ANKAR: variants seen among roughly 807,000 people sequenced by gnomAD.
ANKAR encodes ankyrin and armadillo repeat containing, also known as ankyrin and armadillo repeat-containing protein.
A neutral mutation model predicts 146.2 loss-of-function variants in ANKAR; 136 were observed. The ratio of observed to expected loss-of-function variants is 0.93; its 90% CI spans 0.81 to 1.07. The LOEUF (loss-of-function observed/expected upper bound fraction) is 1.07, where lower values mean the gene tolerates loss of function less well. ANKAR is among the 50% of genes least tolerant of loss of function. The pLI is 0.00. For synonymous variants in ANKAR, 500 were observed against 575.8 expected, an observed-to-expected ratio of 0.87 and a Z score of 1.88; for missense variants, 1,567 against 1,679.9, an observed-to-expected ratio of 0.93 and a Z score of 1.18.
intron 7 of ANKAR, among the ~76,000 whole-genome samples, chr2:189,702,815 G>T (rs2038275702): frequency 6.6e-6 from 1 of 152,156 alleles, no homozygotes; most frequent in Non-Finnish European, 1.5e-5. Flanking sequence ...GAAAACAGTG[G>T]TTCACTGAGG....
chr2:189,681,171 A>G (rs1471068731), intron 2 of ANKAR, among the ~76,000 whole-genome samples: 1 of 152,248 alleles, frequency 6.6e-6, no homozygotes, highest in Non-Finnish European at 1.5e-5. Context: ...CTAGATGGAA[A>G]CTTTCAGTAT....
chr2:189,750,639 T>C (rs757479183), downstream of ANKAR: 34 of 1,586,360 alleles, frequency 2.1e-5, no homozygotes, highest in Non-Finnish European at 2.9e-5. Context: ...TTTTGATATG[T>C]CTACTCCAAG....
chr2:189,718,659 G>A (rs1176318694), intron 10 of ANKAR, among the ~76,000 whole-genome samples: 4 of 151,566 alleles, frequency 2.6e-5, no homozygotes, highest in African/African-American at 4.9e-5. Context: ...CTGTCATTTT[G>A]TGCATGTCCT....
At chr2:189,684,015 A>G (rs140684588) in intron 2 of ANKAR, among the ~76,000 whole-genome samples, 72 of 152,350 alleles carry the variant, frequency 4.7e-4, no homozygotes, top group African/African-American at 1.7e-3. Context: ...CAGTTTTCTC[A>G]GCAGGCATTT....
At chr2:189,682,242 T>C (rs2034812434) in intron 2 of ANKAR, among the ~76,000 whole-genome samples, 1 of 152,056 alleles carries the variant, frequency 6.6e-6, no homozygotes, top group Non-Finnish European at 1.5e-5. Context: ...TGTATTATGT[T>C]TGCACCTGTG....
intron 19 of ANKAR, among the ~76,000 whole-genome samples, chr2:189,739,738 A>T (rs1483003135): frequency 6.6e-6 from 1 of 151,828 alleles, no homozygotes; most frequent in Non-Finnish European, 1.5e-5. Flanking sequence ...TAGTTTTTGT[A>T]TTTTTAGTAG....
chr2:189,692,779 G>A, intron 4 of ANKAR: 1 of 257,756 alleles, frequency 3.9e-6, no homozygotes, highest in Non-Finnish European at 7.2e-6. Flanking sequence ...ATCAGGATTA[G>A]AACAGAGATC....
chr2:189,743,402 A>G lies in ANKAR; in HGVS notation c.3938A>G (p.Asp1313Gly), dbSNP rs1342510460. Residue 1313 changes from aspartate (D) to glycine (G), a missense_variant, in exon 21 of 23, where the codon GAT becomes GGT. By Grantham distance (94) the Asp-to-Gly change is moderately conservative (BLOSUM62 -1). Coordinates refer to ENST00000684021, the MANE Select transcript of ANKAR (RefSeq NM_001378068.1). Reference sequence around the variant, plus strand: ...CGTATAAAAAATAATATCAGCAGAGATGCAAGTATTAACCCAGCATTTTTA... The same window carrying G: ...CGTATAAAAAATAATATCAGCAGAGGTGCAAGTATTAACCCAGCATTTTTA... ...FIRIKNNISRDASINPAFLKE... is the reference protein window; with the variant it reads ...FIRIKNNISRGASINPAFLKE... 1 of 1,613,904 alleles carries G rather than the reference A, an allele frequency of 6.2e-7. No homozygotes were observed. Among genetic ancestry groups the G allele is most frequent in the Non-Finnish European group, 8.5e-7 (1 of 1,179,940 alleles).
chr2:189,754,264 G>A, intron 18 of ANKAR: 1 of 1,613,758 alleles, frequency 6.2e-7, no homozygotes, highest in East Asian at 2.2e-5. Flanking sequence ...CTATTTCCTT[G>A]TTTGGCCAAA....
chr2:189,706,914 A>T, intron 8 of ANKAR, 24 bp from the exon 9 acceptor site: 2 of 1,579,618 alleles, frequency 1.3e-6, no homozygotes, highest in Non-Finnish European at 1.7e-6. Flanking sequence ...TGCGTGTTTA[A>T]TTGTTATGTT....
chr2:189,760,429 C>T (rs1165270464), intron 18 of ANKAR, among the ~76,000 whole-genome samples: 1 of 152,166 alleles, frequency 6.6e-6, no homozygotes, highest in Admixed American at 6.5e-5. Flanking sequence ...GGGCGCCCCC[C>T]ACCTCCCAAG....
At chr2:189,719,953 C>T in intron 11 of ANKAR, 140 bp downstream of exon 11, 1 of 953,342 alleles carries the variant, frequency 1.0e-6, no homozygotes, top group Non-Finnish European at 1.5e-6. Context: ...GAGAGGGTGC[C>T]TGATGAAAAC....
At chr2:189,676,260 G>T (rs1032594816) in intron 1 of ANKAR, among the ~76,000 whole-genome samples, 196 bp from the exon 2 acceptor site, 10 of 152,100 alleles carry the variant, frequency 6.6e-5, no homozygotes, top group African/African-American at 2.2e-4. Flanking sequence ...AATGATAAAG[G>T]TTTTATAATT....
At chr2:189,689,428 AG>A (rs2036094732) in intron 2 of ANKAR, 98 bp from the exon 3 acceptor site, 2 of 1,013,198 alleles carry the variant, frequency 2.0e-6, no homozygotes, top group Admixed American at 5.0e-5. Flanking sequence ...TCGTGATAGT[AG>A]GATTTCATGA....
Position 189,753,060 on chromosome 2 carries a change from AG to A in ANKAR, c.*585-8037del, listed in dbSNP as rs2045530617. 6.2e-6 allele frequency: 8 copies of A among 1,289,820 alleles called. No homozygotes were observed. The East Asian group carries it at 2.0e-4, about 32-fold the overall frequency. 79.9% of individuals were successfully genotyped at this position (1,289,820 alleles called of 1,614,324 possible). A position where few individuals can be genotyped will look rare whatever the true frequency, so the allele number is the denominator to read the frequency against. ...CTAATTAAACCTGGAGAAAAATATC[AG>A]CATTAAACAATAATAAACTATCCCA... On this transcript the variant is annotated intron_variant and NMD_transcript_variant, in intron 18 of 18. Transcript: ENST00000441800.
intron 12 of ANKAR, 116 bp from the exon 13 acceptor site, chr2:189,727,740 T>C: frequency 7.7e-7 from 1 of 1,303,416 alleles, no homozygotes; most frequent in Non-Finnish European, 1.0e-6. Flanking sequence ...TTTCTTTATT[T>C]TCTCTAAGCT....
chr2:189,697,957 A>G (rs2105587422), intron 7 of ANKAR, among the ~76,000 whole-genome samples: 1 of 152,218 alleles, frequency 6.6e-6, no homozygotes, highest in South Asian at 2.1e-4. Flanking sequence ...ACACTGTTCG[A>G]TGTAATCTTG....
At chr2:189,704,876 G>A (rs2038706292) in intron 7 of ANKAR, 147 bp from the exon 8 acceptor site, 3 of 630,050 alleles carry the variant, frequency 4.8e-6, no homozygotes, top group East Asian at 2.8e-5. Flanking sequence ...AGGAATATAG[G>A]GTTGTCTAAA....
In ANKAR at chr2:189,728,794, A is replaced by G. The variant is rs774779759; in HGVS notation, c.3166A>G (p.Ile1056Val). The change falls in exon 15 of 23, where the codon ATC becomes GTC. Residue 1056 changes from isoleucine to valine, a missense_variant. Transcript: ENST00000684021. ...TIAEGTLLSVIRAVGSICIGV... is the reference protein window; with the variant it reads ...TIAEGTLLSVVRAVGSICIGV... ...TGCTGAAGGCACACTTCTCAGTGTCATCAGAGCAGTGGGATCCATTTGTAT... is the reference window on the plus strand; with the variant it reads ...TGCTGAAGGCACACTTCTCAGTGTCGTCAGAGCAGTGGGATCCATTTGTAT... 8.1e-6 allele frequency: 13 copies of G among 1,613,986 alleles called. No homozygotes were observed. Among genetic ancestry groups the G allele is most frequent in the South Asian group, 1.1e-5 (1 of 91,062 alleles).
Sources: gnomAD v4.1 joint callset for allele counts (sites outside exome capture counted in the v4.1 genomes callset) on GRCh38, gnomAD v4.1.1 for gene constraint, MANE v1.5 for transcripts, NCBI Gene and HGNC (gene_info 2026-07-23, HGNC 2026-07-21) for gene names.